GRID1: variants seen among roughly 807,000 people sequenced by gnomAD.
The protein encoded by GRID1 is glutamate ionotropic receptor delta type subunit 1.
A neutral mutation model predicts 98.0 loss-of-function variants in GRID1; 28 were observed. The observed-to-expected ratio is 0.29, with a 90% CI of 0.21 to 0.39. GRID1 has a LOEUF of 0.39. Ranked by LOEUF, GRID1 falls within the 10% of genes least tolerant of loss-of-function variation. The pLI is 1.00. For synonymous variants in GRID1, 553 were observed against 538.5 expected, an observed-to-expected ratio of 1.03 and a Z score of -0.37; for missense variants, 1,111 against 1,340.5, an observed-to-expected ratio of 0.83 and a Z score of 2.67.
intron 2 of GRID1, among the ~76,000 whole-genome samples, chr10:86,270,256 G>A (rs550744588): frequency 9.0e-4 from 137 of 152,236 alleles, no homozygotes; most frequent in African/African-American, 3.1e-3. Context: ...GCCTGGCACA[G>A]AACAGTGATC....
intron 4 of GRID1, among the ~76,000 whole-genome samples, chr10:85,931,292 A>G (rs527744682): frequency 6.6e-6 from 1 of 150,960 alleles, no homozygotes; most frequent in African/African-American, 2.4e-5. Flanking sequence ...CTTTTCATCT[A>G]CTTTGAGTAA....
rs1326581600 is a variant in GRID1, at chr10:86,230,149, C to T, written c.236-23501G>A. ...CCAGCCTCAAGCAGCCCACCACGAG[C>T]CCAACTTGCCCCTGCCTCCTAAACC... On this transcript the variant is annotated intron_variant, in intron 2 of 15. Coordinates refer to ENST00000327946, the MANE Select transcript of GRID1 (RefSeq NM_017551.3). Among the ~76,000 whole-genome samples, 4 of 152,356 alleles carry T rather than the reference C, an allele frequency of 2.6e-5. No homozygotes were observed. In the East Asian group the frequency reaches 7.7e-4, roughly 29 times the overall value.
At chr10:86,049,541 G>A (rs1029915548) in intron 4 of GRID1, among the ~76,000 whole-genome samples, 1 of 152,202 alleles carries the variant, frequency 6.6e-6, no homozygotes, top group Admixed American at 6.5e-5. Context: ...AGGAAGAGAC[G>A]TGCTTAATCC....
rs913685011 is a variant in GRID1 at position 85,723,991 on chromosome 10, A to AT, written c.1858+360dup. ...CTTAAATGATTGCAATACAATTGGGATTTTTTTTCCCCATTAAGTCATCAA... is the reference window on the plus strand; with the variant it reads ...CTTAAATGATTGCAATACAATTGGGATTTTTTTTTCCCCATTAAGTCATCAA... On this transcript the variant is annotated intron_variant, in intron 11 of 15. Coordinates refer to ENST00000327946, the MANE Select transcript of GRID1 (RefSeq NM_017551.3). 2.1e-4 allele frequency among the ~76,000 whole-genome samples: 32 copies of AT among 152,172 alleles called. No homozygotes were observed. The Middle Eastern group carries it at 0.01, about 49-fold the overall frequency.
At position 85,869,904 on chromosome 10, in the gene GRID1, T is replaced by G. The variant is rs1843260053; in HGVS notation, c.781-724A>C. Among the ~76,000 whole-genome samples, 4 of 152,194 alleles carry G rather than the reference T, an allele frequency of 2.6e-5. No homozygotes were observed. The South Asian group carries it at 8.3e-4, about 31-fold the overall frequency. On this transcript the variant is annotated intron_variant, in intron 5 of 15. Coordinates refer to ENST00000327946, the MANE Select transcript of GRID1 (RefSeq NM_017551.3). Reference sequence around the variant, plus strand: ...TAGTGCTCACAACATCCCATCCTGGTATGATCCACTGTGGAGCATAGAAAT... The same window carrying G: ...TAGTGCTCACAACATCCCATCCTGGGATGATCCACTGTGGAGCATAGAAAT...
intron 10 of GRID1, among the ~76,000 whole-genome samples, chr10:85,724,885 C>A (rs1224512783): frequency 6.6e-6 from 1 of 152,220 alleles, no homozygotes; most frequent in Non-Finnish European, 1.5e-5. Context: ...TCTCTCTCTT[C>A]TAAAAACTTC....
intron 5 of GRID1, among the ~76,000 whole-genome samples, chr10:85,887,947 C>T (rs1372387040): frequency 6.6e-6 from 1 of 152,058 alleles, no homozygotes; most frequent in African/African-American, 2.4e-5. Flanking sequence ...TTTTTCTGCC[C>T]TTCCCATCAT....
chr10:86,262,009 C>T (rs11201957), intron 2 of GRID1, among the ~76,000 whole-genome samples: 10 of 152,356 alleles, frequency 6.6e-5, no homozygotes, highest in Non-Finnish European at 1.2e-4. Flanking sequence ...ATTCTGGCAT[C>T]GGCAGGTGAA....
intron 3 of GRID1, among the ~76,000 whole-genome samples, chr10:86,139,490 G>A (rs116814528): frequency 0.026 from 3,921 of 152,290 alleles, 177 homozygotes; most frequent in African/African-American, 0.089. Flanking sequence ...CAGATAGGCA[G>A]TGCAAGCCCT....
chr10:85,909,136 A>G (rs1337854409), intron 5 of GRID1, among the ~76,000 whole-genome samples: 1 of 152,226 alleles, frequency 6.6e-6, no homozygotes, highest in African/African-American at 2.4e-5. Flanking sequence ...TTAAACAGAT[A>G]CTTTGCCAAG....
intron 6 of GRID1, among the ~76,000 whole-genome samples, chr10:85,857,611 C>A (rs567813372): frequency 1.3e-5 from 2 of 152,294 alleles, no homozygotes; most frequent in East Asian, 3.9e-4. Flanking sequence ...TGTGGCCCCC[C>A]ACTGATAACT....
chr10:86,256,312 CA>C, intron 2 of GRID1, among the ~76,000 whole-genome samples: 1 of 152,266 alleles, frequency 6.6e-6, no homozygotes, highest in East Asian at 1.9e-4. Context: ...AAGATGATAT[CA>C]ATGTCTCAGG....
rs538692553 is a variant in GRID1, at chr10:86,037,263, T to C, written c.726+101556A>G. Among the ~76,000 whole-genome samples the C allele has an allele frequency of 7.9e-5, 12 of 152,274 alleles. 1 individual carries two copies. In the South Asian group the frequency reaches 2.5e-3, roughly 32 times the overall value. ...GCTTTGGAAAGAGTTAATCACACTT[T>C]GTTACTTGAGGTGGTATGAAATAAG... On this transcript the variant is annotated intron_variant, in intron 4 of 15. Transcript: ENST00000327946.
chr10:85,814,282 T>C (rs1842697349), intron 8 of GRID1, among the ~76,000 whole-genome samples: 2 of 152,034 alleles, frequency 1.3e-5, no homozygotes, highest in South Asian at 4.1e-4. Context: ...TTGTGAAATG[T>C]AGCCAAAGCA....
At position 86,192,860 on chromosome 10, in the gene GRID1, C is replaced by T. The variant is rs368995225; in HGVS notation, c.520+13504G>A. On this transcript the variant is annotated intron_variant, in intron 3 of 15. Coordinates refer to ENST00000327946, the MANE Select transcript of GRID1 (RefSeq NM_017551.3). This position sits in a 1 kb window ranked among gnomAD's most constrained non-coding sequence, Gnocchi z 4.8. ...CTCCAGCAACAAAATCCTTAAAGGC[C>T]CCACAGTGAGGATGCAGCCTCCCAG... Among the ~76,000 whole-genome samples the T allele has an allele frequency of 1.4e-4, 22 of 152,016 alleles. No homozygotes were observed. The South Asian group carries it at 4.4e-3, about 30-fold the overall frequency.
chr10:85,845,681 T>C (rs1474063614), intron 8 of GRID1, among the ~76,000 whole-genome samples: 1 of 152,232 alleles, frequency 6.6e-6, no homozygotes, highest in Non-Finnish European at 1.5e-5. Context: ...GTGCTTCGCA[T>C]GCCCCTCTGG....
chr10:85,841,427 A>C (rs972577593), intron 8 of GRID1, among the ~76,000 whole-genome samples: 2 of 152,206 alleles, frequency 1.3e-5, no homozygotes, highest in Non-Finnish European at 2.9e-5. Context: ...GGTATGAACA[A>C]AGATTTCATG....
chr10:85,667,150 G>A (rs535270536), intron 12 of GRID1, among the ~76,000 whole-genome samples: 4 of 152,276 alleles, frequency 2.6e-5, no homozygotes, highest in African/African-American at 7.2e-5. Flanking sequence ...TGTGATTGAC[G>A]TGACTGTCTC....
intron 12 of GRID1, among the ~76,000 whole-genome samples, chr10:85,676,553 A>G (rs1841147430): frequency 6.6e-6 from 1 of 152,226 alleles, no homozygotes; most frequent in African/African-American, 2.4e-5. Flanking sequence ...TGTTTGTAGG[A>G]ATCCCAACTA....
Sources: allele counts gnomAD v4.1 joint callset (sites outside exome capture counted in the v4.1 genomes callset), GRCh38; gene constraint gnomAD v4.1.1; non-coding constraint Gnocchi (gnomAD v3.1); transcripts MANE v1.5; gene names NCBI Gene and HGNC (gene_info 2026-07-23, HGNC 2026-07-21).